MESP1: variants seen among roughly 807,000 people sequenced by gnomAD.
MESP1 encodes mesoderm posterior protein 1.
In MESP1, 22 loss-of-function variants were observed where a neutral mutation model predicts 15.2. The ratio of observed to expected loss-of-function variants is 1.45; its 90% CI spans 1.04 to 2.07. The LOEUF (loss-of-function observed/expected upper bound fraction) is 2.07, where lower values mean the gene tolerates loss of function less well. MESP1 is among the 30% of genes most tolerant of loss of function. The probability of loss-of-function intolerance (pLI) is 0.00; values close to 1 mark genes in which losing one functional copy is unlikely to be tolerated. For synonymous variants in MESP1, 216 were observed against 192.6 expected (o/e 1.12, Z -1.01); for missense variants, 484 against 411.9 (o/e 1.17, Z -1.51).
chr15:89,741,173 T>A, the MESP1 span, among the ~76,000 whole-genome samples: 1 of 152,204 alleles, frequency 6.6e-6, no homozygotes, highest in Non-Finnish European at 1.5e-5. Context: ...TAAATATTCT[T>A]TATTTGCTAT....
At chr15:89,736,704 G>A in the MESP1 span, among the ~76,000 whole-genome samples, 1 of 152,094 alleles carries the variant, frequency 6.6e-6, no homozygotes, top group Non-Finnish European at 1.5e-5. Flanking sequence ...CGCAGGAGGT[G>A]GGGGAGTGGA....
the MESP1 span, chr15:89,737,834 T>C: frequency 6.6e-7 from 1 of 1,511,446 alleles, no homozygotes; most frequent in Non-Finnish European, 9.0e-7. Flanking sequence ...TGTGTCCCCC[T>C]CTACCATAGG....
At chr15:89,744,572 A>G in the MESP1 span, among the ~76,000 whole-genome samples, 6 of 152,342 alleles carry the variant, frequency 3.9e-5, no homozygotes, top group African/African-American at 1.4e-4. Flanking sequence ...TGAAACATAG[A>G]TGTTATTGTT....
the MESP1 span, among the ~76,000 whole-genome samples, chr15:89,738,936 G>A: frequency 4.6e-5 from 7 of 151,958 alleles, no homozygotes; most frequent in African/African-American, 1.5e-4. Context: ...CCAACATGGC[G>A]AAACCCCATC....
the MESP1 span, chr15:89,737,926 C>A: frequency 7.4e-7 from 1 of 1,344,484 alleles, no homozygotes; most frequent in Non-Finnish European, 1.0e-6. Flanking sequence ...CACAGCTCAA[C>A]CCAGATGACC....
the MESP1 span, among the ~76,000 whole-genome samples, chr15:89,744,407 G>C: frequency 1.3e-5 from 2 of 152,226 alleles, no homozygotes; most frequent in East Asian, 3.8e-4. Flanking sequence ...CCTGTTGGCA[G>C]TAATTCCCTC....
the MESP1 span, chr15:89,738,101 A>G: frequency 2.5e-6 from 4 of 1,613,928 alleles, no homozygotes; most frequent in Non-Finnish European, 3.4e-6. Context: ...TCTGTTTTCT[A>G]TTTTAATTTT....
chr15:89,746,846 C>T (rs1455881651), downstream of MESP1, among the ~76,000 whole-genome samples: 2 of 146,622 alleles, frequency 1.4e-5, no homozygotes, highest in Non-Finnish European at 3.0e-5. Flanking sequence ...CCTCCACACA[C>T]ACAGCCCTGC....
intron 1 of MESP1, 139 bp from the exon 2 acceptor site, chr15:89,750,366 T>C: frequency 6.7e-7 from 1 of 1,487,206 alleles, no homozygotes; most frequent in Admixed American, 2.1e-5. Context: ...TGCCTTCGCT[T>C]CTTGGAGCCC....
chr15:89,740,555 G>A, the MESP1 span, among the ~76,000 whole-genome samples: 2 of 152,172 alleles, frequency 1.3e-5, no homozygotes, highest in Non-Finnish European at 2.9e-5. Context: ...AGGCTGAAGT[G>A]CACTGGCGCG....
At chr15:89,742,971 A>G in the MESP1 span, among the ~76,000 whole-genome samples, 1 of 152,248 alleles carries the variant, frequency 6.6e-6, no homozygotes, top group African/African-American at 2.4e-5. Flanking sequence ...CATGTGTCAG[A>G]ACATCTTCCT....
the MESP1 span, chr15:89,738,200 C>T: frequency 6.2e-7 from 1 of 1,613,630 alleles, no homozygotes; most frequent in Non-Finnish European, 8.5e-7. Flanking sequence ...CAAGCACTGC[C>T]ACTGGAGAAG....
Position 89,750,934 on chromosome 15 carries a change from G to T in MESP1, c.298C>A (p.Arg100Ser), listed in dbSNP as rs375162512. ...AAGCGGCGCAGCTCGTGCAGGGCGC[G>T]GGCCAGCGTGCGCATGCGCAGTTTC... ...REKLRMRTLARALHELRRFLP... is the reference protein window; with the variant it reads ...REKLRMRTLASALHELRRFLP... Residue 100 changes from arginine (R) to serine (S), a missense_variant, in exon 1 of 2, where the codon CGC becomes AGC. By Grantham distance (110) the Arg-to-Ser change is moderately radical. Coordinates refer to ENST00000300057, the MANE Select transcript of MESP1 (RefSeq NM_018670.4). 3 of 1,459,440 alleles carry T rather than the reference G, an allele frequency of 2.1e-6. No homozygotes were observed. The highest frequency in any genetic ancestry group is 1.3e-5 in the South Asian group (1 of 74,996). The allele number at this position is 1,459,440 out of a possible 1,614,324, so 90.4% of individuals were successfully genotyped here. A position where few individuals can be genotyped will look rare whatever the true frequency, so the allele number is the denominator to read the frequency against.
chr15:89,734,303 T>C, the MESP1 span, among the ~76,000 whole-genome samples: 1 of 152,192 alleles, frequency 6.6e-6, no homozygotes, highest in Non-Finnish European at 1.5e-5. Flanking sequence ...TCACCTGGGC[T>C]CTCAAATGTG....
the MESP1 span, chr15:89,738,003 A>C: frequency 6.4e-7 from 1 of 1,562,764 alleles, no homozygotes; most frequent in Non-Finnish European, 8.7e-7. Flanking sequence ...TGAGAAAGCG[A>C]TTGTTACACA....
the MESP1 span, among the ~76,000 whole-genome samples, chr15:89,741,759 C>CT: frequency 0.022 from 3,227 of 146,920 alleles, 118 homozygotes; most frequent in African/African-American, 0.075. Flanking sequence ...ATCTCCAATA[C>CT]TTTTTTTTTT....
rs760259427 is a variant in MESP1, at chr15:89,751,186, A to AGAG, written c.43_45dup (p.Leu15dup). ...CGCCGAGTTGGGCCCCAGGCCGCAG[A>AGAG]GAGCATCCAGGACTCGGAGAGCGGC... On this transcript the variant is annotated inframe_insertion, in exon 1 of 2. Coordinates refer to ENST00000300057, the MANE Select transcript of MESP1 (RefSeq NM_018670.4). 1.6e-6 allele frequency: 2 copies of AGAG among 1,269,276 alleles called. No individual in the cohort carries two copies. The highest frequency in any genetic ancestry group is 7.5e-5 in the Admixed American group (2 of 26,758). The allele number at this position is 1,269,276 out of a possible 1,614,324, so 78.6% of individuals were successfully genotyped here.
At chr15:89,733,863 C>T in the MESP1 span, among the ~76,000 whole-genome samples, 2 of 152,212 alleles carry the variant, frequency 1.3e-5, no homozygotes, top group Non-Finnish European at 2.9e-5. Flanking sequence ...ATTAAGACAA[C>T]ATCCTTCCCA....
chr15:89,751,129 A>AGCGGCCGCAGTCCTTGTCGGAGGGCG lies in MESP1; in HGVS notation c.77_102dup (p.Ser35ArgfsTer44). On this transcript the variant is annotated frameshift_variant, in exon 1 of 2. Transcript: ENST00000300057. LOFTEE classifies it high-confidence loss of function. ...CATGAGTCTGGGGACGAGACGAGGG[A>AGCGGCCGCAGTCCTTGTCGGAGGGCG]GCGGCCGCAGTCCTTGTCGGAGGGC... 1 of 1,279,330 alleles carries AGCGGCCGCAGTCCTTGTCGGAGGGCG rather than the reference A, an allele frequency of 7.8e-7. No homozygotes were observed. Among genetic ancestry groups the AGCGGCCGCAGTCCTTGTCGGAGGGCG allele is most frequent in the Non-Finnish European group, 9.8e-7 (1 of 1,016,128 alleles). The allele number at this position is 1,279,330 out of a possible 1,614,324, so 79.2% of individuals were successfully genotyped here.
Sources: allele counts gnomAD v4.1 joint callset (sites outside exome capture counted in the v4.1 genomes callset), GRCh38; gene constraint gnomAD v4.1.1; transcripts MANE v1.5; gene names NCBI Gene and HGNC (gene_info 2026-07-23, HGNC 2026-07-21).